Variants in CRACDL observed in about 807,000 individuals in gnomAD.
CRACDL encodes CRACD-like protein.
In CRACDL, 26 loss-of-function variants were observed where a neutral mutation model predicts 70.6. The ratio of observed to expected loss-of-function variants is 0.37; its 90% CI spans 0.27 to 0.51. CRACDL has a LOEUF of 0.51. Among genes scored for constraint, CRACDL ranks in the 20% least tolerant of loss-of-function variants. The pLI is 0.94. For missense variants in CRACDL, 1,283 were observed against 1,376.9 expected, an observed-to-expected ratio of 0.93 and a Z score of 1.08; for synonymous variants, 618 against 615.2, an observed-to-expected ratio of 1.00 and a Z score of -0.07.
chr2:98,798,647 G>GA (rs1222813925), intron 7 of CRACDL, among the ~76,000 whole-genome samples: 2 of 151,160 alleles, frequency 1.3e-5, no homozygotes, highest in Non-Finnish European at 2.9e-5. Flanking sequence ...TTCATCAATA[G>GA]AAAAAAGAAA....
intron 5 of CRACDL, among the ~76,000 whole-genome samples, chr2:98,828,184 G>A: frequency 6.6e-6 from 1 of 152,168 alleles, no homozygotes; most frequent in East Asian, 1.9e-4. Flanking sequence ...TGAGGTCGAA[G>A]TGGGCTCCCC....
At chr2:98,922,861 C>T (rs945318277) in intron 1 of CRACDL, among the ~76,000 whole-genome samples, 3 of 151,916 alleles carry the variant, frequency 2.0e-5, no homozygotes, top group African/African-American at 4.8e-5. Context: ...CCAGGCTAGC[C>T]GATGCTTAGG....
intron 1 of CRACDL, among the ~76,000 whole-genome samples, chr2:98,904,976 C>A (rs1317067348): frequency 6.6e-6 from 1 of 152,040 alleles, no homozygotes; most frequent in Non-Finnish European, 1.5e-5. Context: ...CCCGGCCGGG[C>A]GCGGTGGCTC....
chr2:98,898,484 G>A (rs990178166), intron 1 of CRACDL, among the ~76,000 whole-genome samples: 4 of 152,196 alleles, frequency 2.6e-5, no homozygotes, highest in Non-Finnish European at 5.9e-5. Flanking sequence ...AGTCAGGTAG[G>A]GCACACCTCC....
At chr2:98,922,779 G>C (rs976585579) in intron 1 of CRACDL, among the ~76,000 whole-genome samples, 4 of 152,214 alleles carry the variant, frequency 2.6e-5, no homozygotes, top group African/African-American at 9.6e-5. Context: ...AGGGAGGATA[G>C]AGGGGCCTGG....
In CRACDL at chr2:98,832,504, T is replaced by C. The variant is rs1461615549; in HGVS notation, c.384A>G (p.Ile128Met). Residue 128 changes from isoleucine to methionine, a missense_variant, in exon 5 of 10, where the codon ATA (isoleucine) becomes ATG (methionine). By Grantham distance (10) the Ile-to-Met change is conservative. Coordinates refer to ENST00000397899, the MANE Select transcript of CRACDL (RefSeq NM_207362.3). ...CDRIKALQLKIQCNVKMGPPP... is the reference protein window; with the variant it reads ...CDRIKALQLKMQCNVKMGPPP... The stretch of plus-strand genomic sequence containing the variant: ...GTGGCCCCATTTTCACATTACACTG[T>C]ATTTTTAACTAGATTGGAATAAAGA... 6.3e-7 allele frequency: 1 copy of C among 1,589,886 alleles called. No homozygotes were observed.
chr2:98,875,377 A>G (rs1323308514), intron 1 of CRACDL, among the ~76,000 whole-genome samples: 2 of 152,254 alleles, frequency 1.3e-5, no homozygotes, highest in Admixed American at 6.5e-5. Context: ...AAGACAGGCC[A>G]CCGCTAGTCA....
chr2:98,802,138 G>T (rs1314963172), intron 7 of CRACDL, among the ~76,000 whole-genome samples: 1 of 152,266 alleles, frequency 6.6e-6, no homozygotes, highest in Non-Finnish European at 1.5e-5. Flanking sequence ...TGCAAGCCCT[G>T]TAAGGGCAGG....
At chr2:98,863,624 TA>T (rs1707021177) in intron 1 of CRACDL, among the ~76,000 whole-genome samples, 1 of 152,216 alleles carries the variant, frequency 6.6e-6, no homozygotes, top group Non-Finnish European at 1.5e-5. Context: ...TGGTTCAATT[TA>T]TGATTTTTGA....
At chr2:98,838,598 T>G (rs1187274954) in intron 2 of CRACDL, among the ~76,000 whole-genome samples, 1 of 152,138 alleles carries the variant, frequency 6.6e-6, no homozygotes, top group Non-Finnish European at 1.5e-5. Context: ...TAAAATATAT[T>G]TGAGGCTGCA....
intron 1 of CRACDL, among the ~76,000 whole-genome samples, chr2:98,855,975 A>C (rs1706683382): frequency 6.6e-6 from 1 of 152,192 alleles, no homozygotes; most frequent in South Asian, 2.1e-4. Flanking sequence ...ACTCAGAAAA[A>C]TTCAAAACAT....
In CRACDL at chr2:98,821,908, G is replaced by A; in HGVS notation, c.2365C>T (p.Pro789Ser). The A allele has an allele frequency of 1.9e-6, 3 of 1,601,334 alleles. No individual in the cohort carries two copies. The highest frequency in any genetic ancestry group is 1.7e-6 in the Non-Finnish European group (2 of 1,176,926). ...TCCGCCGTCCTGGGCTCCTTCCTGG[G>A]TTCCCGCTCTCCCGGGCCGGCGTCG... Reference protein sequence around the residue: ...PPDAGPGEREPRKEPRTAEKR... With the variant: ...PPDAGPGERESRKEPRTAEKR... Residue 789 changes from proline (P) to serine (S), a missense_variant, in exon 7 of 10, where the codon CCC (proline) becomes TCC (serine). Coordinates refer to ENST00000397899, the MANE Select transcript of CRACDL (RefSeq NM_207362.3).
chr2:98,863,305 T>C (rs1707008607), intron 1 of CRACDL, among the ~76,000 whole-genome samples: 1 of 152,170 alleles, frequency 6.6e-6, no homozygotes, highest in African/African-American at 2.4e-5. Flanking sequence ...GGCAAAAGTA[T>C]CCTTGAAAAG....
At chr2:98,828,121 A>C (rs1011211498) in intron 5 of CRACDL, among the ~76,000 whole-genome samples, 2 of 152,226 alleles carry the variant, frequency 1.3e-5, no homozygotes, top group Non-Finnish European at 2.9e-5. Context: ...TGAAAGAATG[A>C]AGGCAATACC....
chr2:98,834,638 A>G (rs1381453401), intron 3 of CRACDL, among the ~76,000 whole-genome samples: 3 of 152,264 alleles, frequency 2.0e-5, no homozygotes, highest in Admixed American at 1.3e-4. Context: ...GAGGAGACAT[A>G]GTGCAAAGAT....
At chr2:98,798,017 GTTC>G (rs1433554359) in intron 7 of CRACDL, among the ~76,000 whole-genome samples, 2 of 152,092 alleles carry the variant, frequency 1.3e-5, no homozygotes, top group Admixed American at 6.5e-5. Flanking sequence ...TTTCCTTAAT[GTTC>G]TAGAGAGAAA....
At position 98,871,188 on chromosome 2, in the gene CRACDL, C is replaced by T. The variant is rs144082306; in HGVS notation, c.-10-24378G>A. Among the ~76,000 whole-genome samples, 73 of 152,252 alleles carry T rather than the reference C, an allele frequency of 4.8e-4. 3 individuals are homozygous for T. The East Asian group carries it at 9.6e-3, about 20-fold the overall frequency. ...TTCCCTGAGACATCAGAGAACCAAA[C>T]GAAAAGGTCAGTGACACCCATGTGC... On this transcript the variant is annotated intron_variant, in intron 1 of 9. Transcript: ENST00000397899.
intron 7 of CRACDL, among the ~76,000 whole-genome samples, chr2:98,800,970 T>C (rs10182043): frequency 0.34 from 51,316 of 152,032 alleles, 8,953 homozygotes; most frequent in African/African-American, 0.4. Flanking sequence ...TGTGTTCACA[T>C]GCAGACCCAC....
At chr2:98,882,653 T>A (rs1035305630) in intron 1 of CRACDL, among the ~76,000 whole-genome samples, 1 of 152,168 alleles carries the variant, frequency 6.6e-6, no homozygotes, top group African/African-American at 2.4e-5. Flanking sequence ...CTGGTTTTTT[T>A]AAAGCCAAAC....
Sources: allele counts gnomAD v4.1 joint callset (sites outside exome capture counted in the v4.1 genomes callset), GRCh38; gene constraint gnomAD v4.1.1; transcripts MANE v1.5; gene names NCBI Gene and HGNC (gene_info 2026-07-23, HGNC 2026-07-21).